FSTL4: variants seen among roughly 807,000 people sequenced by gnomAD.
FSTL4 encodes the protein follistatin like 4.
In FSTL4, 28 loss-of-function variants were observed where a neutral mutation model predicts 78.2. The observed-to-expected ratio is 0.36, with a 90% CI of 0.27 to 0.49. The LOEUF (loss-of-function observed/expected upper bound fraction) is 0.49, where lower values mean the gene tolerates loss of function less well. FSTL4 is among the 20% of genes least tolerant of loss of function. The probability of loss-of-function intolerance (pLI) is 0.98; values close to 1 mark genes in which losing one functional copy is unlikely to be tolerated. For missense variants in FSTL4, 922 were observed against 1,084.9 expected, an observed-to-expected ratio of 0.85 and a Z score of 2.11; for synonymous variants, 422 against 440.5, an observed-to-expected ratio of 0.96 and a Z score of 0.53.
chr5:133,315,420 C>T (rs1166960372), intron 5 of FSTL4, among the ~76,000 whole-genome samples: 1 of 152,200 alleles, frequency 6.6e-6, no homozygotes. Flanking sequence ...AGGTCAAGGG[C>T]CTAGCTCAAT....
chr5:133,756,379 T>C, the FSTL4 span, among the ~76,000 whole-genome samples: 2 of 151,848 alleles, frequency 1.3e-5, no homozygotes, highest in Non-Finnish European at 2.9e-5. Flanking sequence ...TTTTACTCTG[T>C]GTGGCAGAAA....
chr5:133,358,956 G>T (rs987488650), intron 4 of FSTL4, among the ~76,000 whole-genome samples: 3 of 152,208 alleles, frequency 2.0e-5, no homozygotes, highest in Admixed American at 6.5e-5. Context: ...AGTCTCCGAT[G>T]ATCCCAACAT....
intron 4 of FSTL4, among the ~76,000 whole-genome samples, chr5:133,358,023 G>A (rs2126932034): frequency 6.6e-6 from 1 of 152,316 alleles, no homozygotes. Flanking sequence ...GCTCAGCCTG[G>A]CAAAGTGTGC....
At chr5:133,231,250 C>T (rs1232188325) in intron 8 of FSTL4, among the ~76,000 whole-genome samples, 1 of 151,830 alleles carries the variant, frequency 6.6e-6, no homozygotes, top group Non-Finnish European at 1.5e-5. Context: ...TCCTTGAAAA[C>T]ACCCTGAAGT....
intron 3 of FSTL4, among the ~76,000 whole-genome samples, chr5:133,542,547 T>A (rs1011412853): frequency 5.3e-5 from 8 of 152,324 alleles, no homozygotes; most frequent in African/African-American, 1.9e-4. Context: ...GGAAAATTTG[T>A]TAGTACCCAC....
intron 3 of FSTL4, among the ~76,000 whole-genome samples, chr5:133,402,951 A>G (rs1756272145): frequency 6.6e-6 from 1 of 152,230 alleles, no homozygotes; most frequent in African/African-American, 2.4e-5. Context: ...AGGAGGCGGA[A>G]GGCAGGCAGG....
chr5:133,281,326 T>C (rs1456134137), intron 6 of FSTL4, among the ~76,000 whole-genome samples: 6 of 152,056 alleles, frequency 3.9e-5, no homozygotes, highest in Non-Finnish European at 8.8e-5. Flanking sequence ...CCTAGGAAAA[T>C]ATCTCTGAAA....
intron 3 of FSTL4, among the ~76,000 whole-genome samples, chr5:133,436,254 G>A (rs972053664): frequency 6.6e-6 from 1 of 152,178 alleles, no homozygotes; most frequent in Non-Finnish European, 1.5e-5. Flanking sequence ...AATTTAGTTT[G>A]GTGGAATTGG....
intron 3 of FSTL4, among the ~76,000 whole-genome samples, chr5:133,535,779 A>T (rs752218211): frequency 3.3e-5 from 5 of 152,234 alleles, no homozygotes; most frequent in African/African-American, 7.2e-5. Context: ...ATTTTGTTAT[A>T]GCAGTCCAAG....
At chr5:133,701,869 C>T in the FSTL4 span, among the ~76,000 whole-genome samples, 1 of 152,156 alleles carries the variant, frequency 6.6e-6, no homozygotes, top group African/African-American at 2.4e-5. Context: ...GAGAACAGGT[C>T]CTGTGATAGC....
chr5:133,279,628 G>C (rs1165610691), intron 6 of FSTL4, among the ~76,000 whole-genome samples: 1 of 152,202 alleles, frequency 6.6e-6, no homozygotes, highest in Non-Finnish European at 1.5e-5. Context: ...GTGGTCAGGT[G>C]GGGTGGAGGG....
chr5:133,369,804 G>A (rs1755253499), intron 4 of FSTL4, among the ~76,000 whole-genome samples: 1 of 152,136 alleles, frequency 6.6e-6, no homozygotes, highest in African/African-American at 2.4e-5. Context: ...CTGTCACCTG[G>A]CATCAGCAGG....
the FSTL4 span, among the ~76,000 whole-genome samples, chr5:133,803,912 A>C: frequency 1.3e-5 from 2 of 152,172 alleles, no homozygotes; most frequent in African/African-American, 2.4e-5. Context: ...GAGAAAGAGA[A>C]GCCCTGATTT....
the FSTL4 span, among the ~76,000 whole-genome samples, chr5:133,689,511 A>T: frequency 6.6e-6 from 1 of 152,218 alleles, no homozygotes; most frequent in African/African-American, 2.4e-5. Context: ...TGTGTGAGAA[A>T]GATTATTTAT....
chr5:133,621,580 A>G, the FSTL4 span, among the ~76,000 whole-genome samples: 1 of 152,122 alleles, frequency 6.6e-6, no homozygotes, highest in East Asian at 1.9e-4. Flanking sequence ...GAATGATACA[A>G]TGGACTTTGG....
At chr5:133,697,464 C>T in the FSTL4 span, among the ~76,000 whole-genome samples, 2 of 152,206 alleles carry the variant, frequency 1.3e-5, no homozygotes, top group South Asian at 4.1e-4. Flanking sequence ...TCCTCTCTGT[C>T]TTGGAAGCAA....
At chr5:133,302,517 C>T (rs747616607) in intron 6 of FSTL4, among the ~76,000 whole-genome samples, 80 of 152,190 alleles carry the variant, frequency 5.3e-4, no homozygotes, top group Non-Finnish European at 1.0e-3. Context: ...CAGGGAGCCT[C>T]TGGGAGGCAT....
At chr5:133,300,733 G>C (rs1461517459) in intron 6 of FSTL4, among the ~76,000 whole-genome samples, 1 of 152,154 alleles carries the variant, frequency 6.6e-6, no homozygotes, top group African/African-American at 2.4e-5. Context: ...GACTATTGAG[G>C]GTCAGGACCA....
chr5:133,324,866 G>A (rs1376420493), intron 4 of FSTL4, among the ~76,000 whole-genome samples: 1 of 152,218 alleles, frequency 6.6e-6, no homozygotes, highest in Non-Finnish European at 1.5e-5. Flanking sequence ...GTTCCTTGGG[G>A]GGCATGCTGA....
Sources: gnomAD v4.1 joint callset for allele counts (sites outside exome capture counted in the v4.1 genomes callset) on GRCh38, gnomAD v4.1.1 for gene constraint, MANE v1.5 for transcripts, NCBI Gene and HGNC (gene_info 2026-07-23, HGNC 2026-07-21) for gene names.